The following SEC31A variants were observed in gnomAD, a reference collection of about 807,000 sequenced individuals.
SEC31A encodes the protein SEC31 homolog A, COPII component.
SEC31A carries 70 observed loss-of-function variants against 151.0 expected under a neutral mutation model. The observed-to-expected ratio is 0.46, with a 90% CI of 0.38 to 0.57. SEC31A has a LOEUF of 0.57. SEC31A is among the 20% of genes least tolerant of loss of function. SEC31A has a pLI of 0.00. For missense variants in SEC31A, 1,330 were observed against 1,471.2 expected (o/e 0.90, Z 1.57); for synonymous variants, 475 against 505.9 (o/e 0.94, Z 0.82).
At position 82,871,966 on chromosome 4, in the gene SEC31A, G is replaced by A. The variant is rs747567461; in HGVS notation, c.760C>T (p.Arg254Cys). Residue 254 changes from arginine (R) to cysteine (C), a missense_variant, in exon 7 of 27, where the codon CGT becomes TGT. Transcript: ENST00000395310. ...TACCTGGCATGGTTTTCCAGGACACGAAGTGGAGAGGAAGCAAATCGAAGA... is the reference window on the plus strand; with the variant it reads ...TACCTGGCATGGTTTTCCAGGACACAAAGTGGAGAGGAAGCAAATCGAAGA... ...WDLRFASSPL[R>C]VLENHARGIL... 32 of 1,614,116 alleles carry A rather than the reference G, an allele frequency of 2.0e-5. No homozygotes were observed. Among genetic ancestry groups the A allele is most frequent in the South Asian group, 1.5e-4 (14 of 91,082 alleles).
At chr4:82,853,462 G>T (rs1560619267) in intron 18 of SEC31A, 108 bp downstream of exon 18, 3 of 926,784 alleles carry the variant, frequency 3.2e-6, no homozygotes, top group East Asian at 2.9e-5. Flanking sequence ...TCCAGCAAAA[G>T]AAGTTCTTGA....
intron 18 of SEC31A, among the ~76,000 whole-genome samples, chr4:82,852,391 G>GTTC: frequency 6.6e-6 from 1 of 152,158 alleles, no homozygotes; most frequent in African/African-American, 2.4e-5. Flanking sequence ...GATTTCCAAA[G>GTTC]GAGTTTACTA....
At chr4:82,860,639 A>AT (rs1395789735) in intron 14 of SEC31A, among the ~76,000 whole-genome samples, 1 of 113,238 alleles carries the variant, frequency 8.8e-6, no homozygotes, top group South Asian at 2.5e-4. Context: ...CGCCTGGCTA[A>AT]TTTTTTATTT....
chr4:82,895,560 T>C (rs1720029007), upstream of SEC31A: 1 of 152,250 alleles, frequency 6.6e-6, no homozygotes, highest in Non-Finnish European at 1.5e-5. Flanking sequence ...CTTTAAAAGC[T>C]GGAAGAGTAA....
Position 82,859,984 on chromosome 4 carries a change from G to T in SEC31A, c.1626+1647C>A, listed in dbSNP as rs909847356. ...AATTTTTGTATTTTCAGTAGAGGTG[G>T]TGTTTCACCGTGTTAGCCAGGATGG... is the stretch of plus-strand genomic sequence containing the variant. On this transcript the variant is annotated intron_variant, in intron 14 of 26. Coordinates refer to ENST00000395310, the MANE Select transcript of SEC31A (RefSeq NM_001077207.4). Among the ~76,000 whole-genome samples the T allele has an allele frequency of 2.0e-5, 3 of 152,024 alleles. No homozygotes were observed. The East Asian group carries it at 5.8e-4, about 29-fold the overall frequency.
At chr4:82,834,636 C>T (rs900817397) in intron 22 of SEC31A, among the ~76,000 whole-genome samples, 1 of 152,060 alleles carries the variant, frequency 6.6e-6, no homozygotes, top group African/African-American at 2.4e-5. Flanking sequence ...ATTAAGTACC[C>T]CTCTCCCAAA....
intron 14 of SEC31A, among the ~76,000 whole-genome samples, chr4:82,859,550 G>C (rs1048457000): frequency 2.0e-5 from 3 of 152,194 alleles, no homozygotes; most frequent in South Asian, 2.1e-4. Context: ...CAAGTTCAGT[G>C]GCATTTTAGA....
chr4:82,881,381 A>G (rs1739266834), intron 2 of SEC31A, among the ~76,000 whole-genome samples: 1 of 151,934 alleles, frequency 6.6e-6, no homozygotes, highest in African/African-American at 2.4e-5. Flanking sequence ...AGGAGAATGG[A>G]AGGAACCAGG....
At chr4:82,893,456 C>G (rs1275827492), upstream of SEC31A, 1 of 152,210 alleles carries the variant, frequency 6.6e-6, no homozygotes, top group Admixed American at 6.5e-5. Context: ...AAACAATCAT[C>G]ACAAGATACA....
chr4:82,884,770 A>C (rs1302534601), intron 1 of SEC31A, among the ~76,000 whole-genome samples: 1 of 152,190 alleles, frequency 6.6e-6, no homozygotes, highest in Non-Finnish European at 1.5e-5. Context: ...CTTGGGACCT[A>C]GAAAGAAGGG....
At chr4:82,853,398 T>C (rs1272947592) in intron 18 of SEC31A, among the ~76,000 whole-genome samples, 172 bp downstream of exon 18, 1 of 152,208 alleles carries the variant, frequency 6.6e-6, no homozygotes, top group South Asian at 2.1e-4. Flanking sequence ...CATTTTCCTA[T>C]CCTATCATCT....
intron 10 of SEC31A, 126 bp from the exon 11 acceptor site, chr4:82,864,724 T>A: frequency 1.5e-6 from 1 of 648,274 alleles, no homozygotes; most frequent in Non-Finnish European, 2.6e-6. Context: ...TGCGCCACAG[T>A]CTGACACCAC....
chr4:82,838,337 G>C (rs921537193), intron 22 of SEC31A, among the ~76,000 whole-genome samples: 6 of 152,076 alleles, frequency 3.9e-5, no homozygotes, highest in Non-Finnish European at 8.8e-5. Flanking sequence ...CCTAGAAACA[G>C]AAACAAAAGT....
chr4:82,842,530 C>A, intron 21 of SEC31A, 49 bp from the exon 22 acceptor site: 1 of 1,377,422 alleles, frequency 7.3e-7, no homozygotes, highest in Non-Finnish European at 9.9e-7. Context: ...CAAGTTTATT[C>A]AGATAGTAGC....
intron 4 of SEC31A, chr4:82,877,514 G>A (rs1738261329): frequency 6.6e-6 from 1 of 151,820 alleles, no homozygotes; most frequent in South Asian, 2.1e-4. Flanking sequence ...GTGTAGCTGA[G>A]ACTACAGGCG....
At chr4:82,838,068 T>C (rs12508482) in intron 22 of SEC31A, among the ~76,000 whole-genome samples, 44 of 152,240 alleles carry the variant, frequency 2.9e-4, no homozygotes, top group Admixed American at 2.3e-3. Context: ...AAGACATGAA[T>C]CCTTGAAGTC....
intron 3 of SEC31A, among the ~76,000 whole-genome samples, chr4:82,898,468 A>T (rs188890617): frequency 6.6e-6 from 1 of 152,346 alleles, no homozygotes; most frequent in Non-Finnish European, 1.5e-5. Flanking sequence ...TGTTCTGATA[A>T]AAGCAGTTTT....
exon 1 of SEC31A, chr4:82,900,445 TG>T (rs1720269292): frequency 1.9e-5 from 5 of 268,482 alleles, no homozygotes; most frequent in Non-Finnish European, 3.6e-5. Context: ...TTTTCAGGCT[TG>T]GCCTCACAAG....
chr4:82,827,493 T>C lies in SEC31A; in HGVS notation c.3167A>G (p.His1056Arg), dbSNP rs1318896568. The C allele has an allele frequency of 1.2e-6, 2 of 1,614,148 alleles. No homozygotes were observed. The highest frequency in any genetic ancestry group is 1.3e-5 in the African/African-American group (1 of 75,028). ...LSSQSSFPQP[H>R]LPGGQPFHGV... The stretch of plus-strand genomic sequence containing the variant: ...ATGGAAGGGCTGGCCACCTGGAAGA[T>C]GTGGCTGTGGGAATGAAGACTGGCT... The change falls in exon 24 of 27, where the codon CAT (histidine) becomes CGT (arginine). Residue 1056 changes from histidine to arginine, a missense_variant. Physicochemically the swap from His to Arg is conservative, Grantham distance 29. Coordinates refer to ENST00000395310, the MANE Select transcript of SEC31A (RefSeq NM_001077207.4).
Sources: allele counts gnomAD v4.1 joint callset (sites outside exome capture counted in the v4.1 genomes callset), GRCh38; gene constraint gnomAD v4.1.1; transcripts MANE v1.5; gene names NCBI Gene and HGNC (gene_info 2026-07-23, HGNC 2026-07-21).